The following MED22 variants were observed in gnomAD, a reference collection of about 807,000 sequenced individuals.
MED22 encodes mediator complex subunit 22.
Under a neutral mutation model 22.7 loss-of-function variants are expected in MED22, and 22 were observed. The observed-to-expected ratio is 0.97, with a 90% CI of 0.69 to 1.38. MED22 has a LOEUF of 1.38. MED22 is among the 40% of genes most tolerant of loss of function. The pLI is 0.00. For missense variants in MED22, 247 were observed against 263.0 expected, an observed-to-expected ratio of 0.94 and a Z score of 0.42; for synonymous variants, 134 against 119.4, an observed-to-expected ratio of 1.12 and a Z score of -0.80.
At chr9:133,345,702 C>T (rs1836159467) in intron 2 of MED22, among the ~76,000 whole-genome samples, 1 of 152,144 alleles carries the variant, frequency 6.6e-6, no homozygotes, top group Non-Finnish European at 1.5e-5. Context: ...ATGCACTTGA[C>T]CACCATTAAC....
At position 133,339,689 on chromosome 9, in the gene MED22, G is replaced by C; in HGVS notation, c.*1816C>G. 1 of 316,168 alleles carries C rather than the reference G, an allele frequency of 3.2e-6. No individual in the cohort carries two copies. Among genetic ancestry groups the C allele is most frequent in the South Asian group, 3.1e-5 (1 of 31,880 alleles). 19.6% of individuals were successfully genotyped at this position (316,168 alleles called of 1,614,324 possible). A position where few individuals can be genotyped will look rare whatever the true frequency, so the allele number is the denominator to read the frequency against. ...CACTGCCCTCAAAATAAAAAGCTTG[G>C]GATAAAAGAGTTACATGGACTGAGA... On this transcript the variant is annotated 3_prime_UTR_variant, in exon 5 of 5. Transcript: ENST00000343730.
chr9:133,343,601 T>C, intron 4 of MED22: 1 of 1,244,458 alleles, frequency 8.0e-7, no homozygotes, highest in Non-Finnish European at 1.0e-6. Flanking sequence ...GGCCATTCCC[T>C]GCCTGGGCTT....
chr9:133,346,378 TG>T, intron 2 of MED22, 161 bp downstream of exon 2: 1 of 808,744 alleles, frequency 1.2e-6, no homozygotes, highest in Non-Finnish European at 2.0e-6. Context: ...TAGTAAGGGC[TG>T]GACGTGCCAT....
At chr9:133,345,046 T>C in intron 3 of MED22, 126 bp downstream of exon 3, 2 of 852,748 alleles carry the variant, frequency 2.3e-6, no homozygotes, top group East Asian at 2.6e-5. Flanking sequence ...TACATTTGCC[T>C]CCTTCTGCTC....
rs1437758324 is a variant in MED22 at position 133,342,662 on chromosome 9, C to T, written c.414-968G>A. ...AAAGGCAATGTACAGAGGAGGGCAA[C>T]TGCTTCTGCCACAGGGGCTGTGTGA... On this transcript the variant is annotated intron_variant, in intron 4 of 4. Coordinates refer to ENST00000343730, the MANE Select transcript of MED22 (RefSeq NM_133640.5). 6.1e-6 allele frequency: 6 copies of T among 985,658 alleles called. No individual in the cohort carries two copies. In the East Asian group the frequency reaches 5.7e-4, roughly 93 times the overall value. The allele number at this position is 985,658 out of a possible 1,614,324, so 61.1% of individuals were successfully genotyped here. A position where few individuals can be genotyped will look rare whatever the true frequency, so the allele number is the denominator to read the frequency against.
chr9:133,343,875 C>CCTA, intron 4 of MED22: 1 of 1,419,390 alleles, frequency 7.0e-7, no homozygotes, highest in Non-Finnish European at 9.2e-7. Context: ...CCAGACTCGG[C>CCTA]CTATCCGACT....
intron 2 of MED22, 111 bp from the exon 3 acceptor site, chr9:133,345,363 G>T: frequency 9.8e-7 from 1 of 1,024,614 alleles, no homozygotes; most frequent in Non-Finnish European, 1.5e-6. Flanking sequence ...GTCCACACTG[G>T]CCACAACCTG....
At position 133,339,260 on chromosome 9, in the gene MED22, T is replaced by C. The variant is rs1417515579; in HGVS notation, c.*2245A>G. The stretch of plus-strand genomic sequence containing the variant: ...TTCTTGCCAAGAGAATGAATGTGCA[T>C]ATTCAGCACACTAAGCACTCTAAGA... On this transcript the variant is annotated 3_prime_UTR_variant, in exon 5 of 5. Coordinates refer to ENST00000343730, the MANE Select transcript of MED22 (RefSeq NM_133640.5). The C allele has an allele frequency of 9.9e-6, 7 of 704,900 alleles. No individual in the cohort carries two copies. Among genetic ancestry groups the C allele is most frequent in the South Asian group, 4.1e-5 (3 of 73,480 alleles). 43.7% of individuals were successfully genotyped at this position (704,900 alleles called of 1,614,324 possible). A position where few individuals can be genotyped will look rare whatever the true frequency, so the allele number is the denominator to read the frequency against.
chr9:133,342,514 G>A, intron 4 of MED22: 1 of 987,008 alleles, frequency 1.0e-6, no homozygotes, highest in Non-Finnish European at 1.2e-6. Flanking sequence ...CAAGCAGAGA[G>A]GGGGCAGGCG....
chr9:133,346,260 C>T (rs899188555), intron 2 of MED22: 1 of 375,710 alleles, frequency 2.7e-6, no homozygotes, highest in Non-Finnish European at 4.9e-6. Flanking sequence ...TGCCAGGCCC[C>T]GAGGTAACTG....
Position 133,346,494 on chromosome 9 carries a change from C to A in MED22, c.123+46G>T, listed in dbSNP as rs2129968327. 11 of 1,608,392 alleles carry A rather than the reference C, an allele frequency of 6.8e-6. No homozygotes were observed. In the African/African-American group the frequency reaches 1.2e-4, roughly 18 times the overall value. Reference sequence around the variant, plus strand: ...CAGCCCCTGGCCTCTCCTGTCTCCACCCCTTCTCAGACTCTGCTCCCCTTG... The same window carrying A: ...CAGCCCCTGGCCTCTCCTGTCTCCAACCCTTCTCAGACTCTGCTCCCCTTG... On this transcript the variant is annotated intron_variant, in intron 2 of 4. Coordinates refer to ENST00000343730, the MANE Select transcript of MED22 (RefSeq NM_133640.5).
intron 4 of MED22, 62 bp downstream of exon 4, chr9:133,344,063 T>C (rs1836098020): frequency 6.2e-7 from 1 of 1,601,642 alleles, no homozygotes; most frequent in South Asian, 1.1e-5. Context: ...CAGCCCTGCC[T>C]GCTGGCCAGG....
At chr9:133,344,369 G>T (rs2129961641) in intron 3 of MED22, 36 bp from the exon 4 acceptor site, 2 of 1,608,642 alleles carry the variant, frequency 1.2e-6, no homozygotes, top group East Asian at 4.5e-5. Flanking sequence ...CACAGGGTGA[G>T]GGGGGACAGC....
chr9:133,343,560 G>A (rs782338275), intron 4 of MED22: 10 of 1,241,710 alleles, frequency 8.1e-6, no homozygotes, highest in Non-Finnish European at 1.0e-5. Flanking sequence ...AGGCTGAGTG[G>A]GTCACGAATT....
rs2129949340 is a variant in MED22 at position 133,341,592 on chromosome 9, C to T, written c.516G>A (p.Ala172=). 20,264 of 1,584,632 alleles carry T rather than the reference C, an allele frequency of 0.013. 169 individuals are homozygous for T. The highest frequency in any genetic ancestry group is 0.014 in the Non-Finnish European group (16,852 of 1,168,828). The change falls in exon 5 of 5, where the codon GCG becomes GCA. Residue 172 remains alanine (A), a synonymous_variant. Coordinates refer to ENST00000343730, the MANE Select transcript of MED22 (RefSeq NM_133640.5). ...SADGLSAPLL[A]SPEPSAGPLQ... ...GGGGGCCAGCACTGGGCTCCGGGGA[C>T]GCCAGCAGAGGGGCCGAGAGGCCAT...
chr9:133,345,353 G>T, intron 2 of MED22, 101 bp from the exon 3 acceptor site: 1 of 1,137,620 alleles, frequency 8.8e-7, no homozygotes, highest in South Asian at 1.3e-5. Flanking sequence ...TACCCAGGAT[G>T]TCCACACTGG....
intron 4 of MED22, chr9:133,343,273 G>A: frequency 1.6e-6 from 2 of 1,221,048 alleles, no homozygotes; most frequent in Non-Finnish European, 2.0e-6. Flanking sequence ...CCAGGAGAAG[G>A]CACAAGATGG....
At chr9:133,342,439 G>T in intron 4 of MED22, 4 of 986,022 alleles carry the variant, frequency 4.1e-6, no homozygotes, top group Non-Finnish European at 4.8e-6. Context: ...TCTCAGAACC[G>T]TCCTGGGCAC....
At chr9:133,341,876 C>G (rs1588678030) in intron 4 of MED22, 182 bp from the exon 5 acceptor site, 1 of 1,380,382 alleles carries the variant, frequency 7.2e-7, no homozygotes, top group East Asian at 3.0e-5. Flanking sequence ...GGAGAGGCGG[C>G]CAGTGGTGAG....
Sources: gnomAD v4.1 joint callset for allele counts (sites outside exome capture counted in the v4.1 genomes callset) on GRCh38, gnomAD v4.1.1 for gene constraint, MANE v1.5 for transcripts, NCBI Gene and HGNC (gene_info 2026-07-23, HGNC 2026-07-21) for gene names.